Variants in SCAMP1 observed in about 807,000 individuals in gnomAD.
SCAMP1 encodes the protein secretory carrier-associated membrane protein 1.
In SCAMP1, 15 loss-of-function variants were observed where a neutral mutation model predicts 41.8. The ratio of observed to expected loss-of-function variants is 0.36; its 90% CI spans 0.24 to 0.55. The LOEUF is 0.55. Among genes scored for constraint, SCAMP1 ranks in the 20% least tolerant of loss-of-function variants. The pLI, the probability that SCAMP1 is intolerant of heterozygous loss-of-function variation, is 0.86. For synonymous variants in SCAMP1, 135 were observed against 136.8 expected (o/e 0.99, Z 0.09); for missense variants, 341 against 412.6 (o/e 0.83, Z 1.50).
At chr5:78,466,148 A>T (rs1308645218) in intron 8 of SCAMP1, among the ~76,000 whole-genome samples, 6 of 152,200 alleles carry the variant, frequency 3.9e-5, no homozygotes, top group African/African-American at 1.4e-4. Context: ...CATTTTGAGT[A>T]TAGTAGAGGG....
chr5:78,471,875 A>C (rs1753890143), intron 8 of SCAMP1, among the ~76,000 whole-genome samples: 1 of 152,128 alleles, frequency 6.6e-6, no homozygotes. Context: ...TTTTTATGGG[A>C]AGCAGACTTG....
At chr5:78,388,024 C>T (rs941270980) in intron 1 of SCAMP1, among the ~76,000 whole-genome samples, 6 of 152,190 alleles carry the variant, frequency 3.9e-5, no homozygotes, top group African/African-American at 4.8e-5. Context: ...TTGTCTTCGG[C>T]GTTCCTCGGC....
At position 78,478,452 on chromosome 5, in the gene SCAMP1, A is replaced by C. The variant is rs746818147; in HGVS notation, c.*2784A>C. 1.2e-4 allele frequency: 18 copies of C among 152,564 alleles called. No homozygotes were observed. Among genetic ancestry groups the C allele is most frequent in the Non-Finnish European group, 2.4e-4 (16 of 68,006 alleles). 9.5% of individuals were successfully genotyped at this position (152,564 alleles called of 1,614,324 possible). A position where few individuals can be genotyped will look rare whatever the true frequency, so the allele number is the denominator to read the frequency against. On this transcript the variant is annotated 3_prime_UTR_variant, in exon 9 of 9. Transcript: ENST00000621999. ...CTAGTTAAAAATTCTAACCAATGTA[A>C]AATGACCATTTTTCTGTTGCATTAG...
chr5:78,417,688 G>T (rs1475089091), intron 4 of SCAMP1, among the ~76,000 whole-genome samples: 1 of 152,312 alleles, frequency 6.6e-6, no homozygotes, highest in Non-Finnish European at 1.5e-5. Context: ...TCGGAGGAGA[G>T]AGTAAGTTGC....
In SCAMP1 at chr5:78,392,200, AT is replaced by A. The variant is rs1294917774; in HGVS notation, c.135+3288del. On this transcript the variant is annotated intron_variant, in intron 2 of 8. Coordinates refer to ENST00000621999, the MANE Select transcript of SCAMP1 (RefSeq NM_004866.6). The stretch of plus-strand genomic sequence containing the variant: ...TTAGATTACTCTTATCAGTTGTAGT[AT>A]TCTTCATCAAGCTGTCTACTTTGTG... 2.6e-5 allele frequency among the ~76,000 whole-genome samples: 4 copies of A among 152,316 alleles called. No homozygotes were observed. In the East Asian group the frequency reaches 7.7e-4, roughly 29 times the overall value.
intron 2 of SCAMP1, among the ~76,000 whole-genome samples, chr5:78,403,808 A>G (rs554766705): frequency 1.8e-4 from 28 of 152,108 alleles, no homozygotes; most frequent in African/African-American, 6.0e-4. Context: ...TCTACCAAAA[A>G]TACAAAATTA....
intron 2 of SCAMP1, among the ~76,000 whole-genome samples, chr5:78,403,897 G>A (rs1318910482): frequency 2.0e-4 from 29 of 146,918 alleles, no homozygotes; most frequent in South Asian, 2.2e-4. Context: ...CCCAGGAGGC[G>A]GAGGCTGCAG....
At chr5:78,460,794 T>TGG (rs1413524767) in intron 8 of SCAMP1, among the ~76,000 whole-genome samples, 2 of 50,014 alleles carry the variant, frequency 4.0e-5, no homozygotes, top group African/African-American at 2.3e-4. Flanking sequence ...CCTTCCTTCC[T>TGG]TCCTTCCTTC....
At chr5:78,409,865 A>G (rs1752027461) in intron 2 of SCAMP1, among the ~76,000 whole-genome samples, 1 of 152,140 alleles carries the variant, frequency 6.6e-6, no homozygotes, top group African/African-American at 2.4e-5. Context: ...ATTCTTGGGT[A>G]ATTTCTTCTG....
At chr5:78,458,356 A>G (rs150072256) in intron 7 of SCAMP1, among the ~76,000 whole-genome samples, 3 of 152,126 alleles carry the variant, frequency 2.0e-5, no homozygotes, top group Non-Finnish European at 4.4e-5. Context: ...AGCCATCCTA[A>G]TAGGTGTGTA....
chr5:78,449,219 A>G (rs1234034981), intron 6 of SCAMP1, among the ~76,000 whole-genome samples: 2 of 152,034 alleles, frequency 1.3e-5, no homozygotes, highest in East Asian at 1.9e-4. Flanking sequence ...AACTTTATTT[A>G]TAATAATAAA....
At position 78,476,824 on chromosome 5, in the gene SCAMP1, T is replaced by C. The variant is rs1373535992; in HGVS notation, c.*1156T>C. ...AGCAATAAAAAAAAAAGCATTTAAC[T>C]TGCACCAAGCAAGAAAATATAAATA... is the stretch of plus-strand genomic sequence containing the variant. On this transcript the variant is annotated 3_prime_UTR_variant, in exon 9 of 9. Transcript: ENST00000621999. 2 of 152,434 alleles carry C rather than the reference T, an allele frequency of 1.3e-5. No individual in the cohort carries two copies. The highest frequency in any genetic ancestry group is 4.8e-5 in the African/African-American group (2 of 41,424). 9.4% of individuals were successfully genotyped at this position (152,434 alleles called of 1,614,324 possible). A position where few individuals can be genotyped will look rare whatever the true frequency, so the allele number is the denominator to read the frequency against.
intron 6 of SCAMP1, among the ~76,000 whole-genome samples, chr5:78,441,242 G>A (rs1478605763): frequency 1.3e-5 from 2 of 152,198 alleles, no homozygotes; most frequent in East Asian, 3.9e-4. Flanking sequence ...GATGAACCAG[G>A]TACATCAGTT....
intron 6 of SCAMP1, among the ~76,000 whole-genome samples, chr5:78,442,981 C>T (rs367619979): frequency 1.1e-4 from 17 of 152,132 alleles, no homozygotes; most frequent in Admixed American, 2.6e-4. Flanking sequence ...CCAAGGCAGC[C>T]GGATCATGAG....
At chr5:78,382,356 G>C (rs1751223823) in intron 1 of SCAMP1, among the ~76,000 whole-genome samples, 2 of 152,090 alleles carry the variant, frequency 1.3e-5, no homozygotes, top group African/African-American at 2.4e-5. Context: ...ATTTTGTTGA[G>C]ATATTCATTA....
chr5:78,387,788 CAA>C (rs1349226022), intron 1 of SCAMP1, among the ~76,000 whole-genome samples: 4 of 152,170 alleles, frequency 2.6e-5, no homozygotes, highest in Admixed American at 2.0e-4. Flanking sequence ...GGACTGTCTG[CAA>C]AGAGTCCTGT....
chr5:78,364,205 C>A (rs147568284), intron 1 of SCAMP1, among the ~76,000 whole-genome samples: 1 of 152,056 alleles, frequency 6.6e-6, no homozygotes, highest in South Asian at 2.1e-4. Flanking sequence ...GTTTAATAAC[C>A]AGCAGAGGTC....
intron 2 of SCAMP1, among the ~76,000 whole-genome samples, chr5:78,401,346 G>C (rs1188828146): frequency 6.6e-6 from 1 of 152,052 alleles, no homozygotes; most frequent in South Asian, 2.1e-4. Flanking sequence ...AGCCTCATAG[G>C]ATGAGTTAGG....
chr5:78,461,668 TTCTC>T (rs1298987248), intron 8 of SCAMP1, among the ~76,000 whole-genome samples: 2 of 152,156 alleles, frequency 1.3e-5, no homozygotes, highest in Non-Finnish European at 2.9e-5. Flanking sequence ...GTTCAAGTGA[TTCTC>T]ATGCCTCAGA....
Sources: gnomAD v4.1 joint callset for allele counts (sites outside exome capture counted in the v4.1 genomes callset) on GRCh38, gnomAD v4.1.1 for gene constraint, MANE v1.5 for transcripts, NCBI Gene and HGNC (gene_info 2026-07-23, HGNC 2026-07-21) for gene names.